THRB: variants seen among roughly 807,000 people sequenced by gnomAD.
The protein encoded by THRB is thyroid hormone receptor beta.
A neutral mutation model predicts 47.8 loss-of-function variants in THRB; 12 were observed. The ratio of observed to expected loss-of-function variants is 0.25; its 90% CI spans 0.16 to 0.41. THRB has a LOEUF of 0.41. Ranked by LOEUF, THRB falls within the 10% of genes least tolerant of loss-of-function variation. THRB has a pLI of 1.00. For missense variants in THRB, 348 were observed against 589.2 expected, an observed-to-expected ratio of 0.59 and a Z score of 4.24; for synonymous variants, 218 against 212.2, an observed-to-expected ratio of 1.03 and a Z score of -0.24.
chr3:24,240,500 A>C (rs772203332), intron 3 of THRB, among the ~76,000 whole-genome samples: 46 of 152,206 alleles, frequency 3.0e-4, no homozygotes, highest in Non-Finnish European at 5.3e-4. Context: ...TAGATACTGA[A>C]CACTTCACAT....
intron 1 of THRB, among the ~76,000 whole-genome samples, chr3:24,449,029 G>A (rs988560892): frequency 2.0e-5 from 3 of 152,222 alleles, no homozygotes; most frequent in African/African-American, 7.2e-5. Flanking sequence ...TGAGTTTGAA[G>A]GCAAAGGCAG....
intron 2 of THRB, among the ~76,000 whole-genome samples, chr3:24,299,172 C>T (rs4858601): frequency 0.26 from 38,135 of 146,984 alleles, 5,456 homozygotes; most frequent in Admixed American, 0.39. Flanking sequence ...GGCGTGAACC[C>T]GGGAGGCTGA....
At chr3:24,151,467 G>GTTTA (rs1346716023) in intron 6 of THRB, among the ~76,000 whole-genome samples, 2 of 152,148 alleles carry the variant, frequency 1.3e-5, no homozygotes, top group Non-Finnish European at 2.9e-5. Context: ...TTGCTTTAGG[G>GTTTA]TTTACATCTT....
At chr3:24,245,472 C>G (rs571453163) in intron 3 of THRB, among the ~76,000 whole-genome samples, 1 of 152,272 alleles carries the variant, frequency 6.6e-6, no homozygotes, top group African/African-American at 2.4e-5. Flanking sequence ...ATTTAATACT[C>G]TGTCAGAAGT....
At chr3:24,454,493 G>A (rs1022304466) in intron 1 of THRB, among the ~76,000 whole-genome samples, 2 of 152,192 alleles carry the variant, frequency 1.3e-5, no homozygotes, top group African/African-American at 2.4e-5. Context: ...TGCACTTTAA[G>A]TGGGTAAATT....
intron 1 of THRB, among the ~76,000 whole-genome samples, chr3:24,338,690 A>G (rs1254879922): frequency 1.3e-5 from 2 of 152,248 alleles, no homozygotes; most frequent in Non-Finnish European, 2.9e-5. Flanking sequence ...CTTCTGAAGA[A>G]GCTGCCCTGT....
intron 4 of THRB, among the ~76,000 whole-genome samples, chr3:24,201,594 G>A (rs184382456): frequency 2.9e-4 from 44 of 152,308 alleles, no homozygotes; most frequent in African/African-American, 9.1e-4. Flanking sequence ...GGTTACCCAA[G>A]TGAAATGTTG....
intron 3 of THRB, among the ~76,000 whole-genome samples, chr3:24,291,972 T>A (rs1401501889): frequency 6.6e-6 from 1 of 152,178 alleles, no homozygotes; most frequent in Non-Finnish European, 1.5e-5. Flanking sequence ...ATAACTTAAA[T>A]GTCCATTAAC....
intron 10 of THRB, among the ~76,000 whole-genome samples, chr3:24,124,358 C>T (rs1446273268): frequency 6.6e-6 from 1 of 152,176 alleles, no homozygotes; most frequent in African/African-American, 2.4e-5. Context: ...CTCTCCCTTT[C>T]CCCTATCTTC....
chr3:24,188,886 A>ATATATATATATATATATATATAT (rs1559548533), intron 5 of THRB, among the ~76,000 whole-genome samples: 12 of 68,282 alleles, frequency 1.8e-4, no homozygotes, highest in African/African-American at 1.2e-3. Flanking sequence ...TATATATATG[A>ATATATATATATATATATATATAT]GAGAAAGAGA....
intron 1 of THRB, among the ~76,000 whole-genome samples, chr3:24,443,776 A>G (rs1351901215): frequency 6.6e-6 from 1 of 152,220 alleles, no homozygotes; most frequent in East Asian, 1.9e-4. Flanking sequence ...AATAATTCTT[A>G]CTGGATACTC....
upstream of THRB, chr3:24,495,315 A>ACCGCCATCGCCGCCGCCGCCGCCACC (rs75376248): frequency 6.5e-6 from 1 of 153,592 alleles, no homozygotes; most frequent in African/African-American, 2.4e-5. Context: ...CGCCGCCGCC[A>ACCGCCATCGCCGCCGCCGCCGCCACC]GCCATCGCCA....
intron 2 of THRB, among the ~76,000 whole-genome samples, chr3:24,305,405 A>G (rs748042181): frequency 4.6e-5 from 7 of 152,154 alleles, no homozygotes; most frequent in Non-Finnish European, 8.8e-5. Context: ...ATGTAGCACC[A>G]ACACCCTAGG....
At chr3:24,133,562 C>A (rs1047230470) in intron 8 of THRB, 100 bp from the exon 9 acceptor site, 17 of 1,077,654 alleles carry the variant, frequency 1.6e-5, no homozygotes, top group Non-Finnish European at 2.3e-5. Context: ...AACTGATATC[C>A]TGTACAGTTT....
intron 3 of THRB, among the ~76,000 whole-genome samples, chr3:24,290,001 A>C (rs549911094): frequency 1.3e-5 from 2 of 152,174 alleles, no homozygotes; most frequent in Non-Finnish European, 2.9e-5. Flanking sequence ...CTGATTTTTA[A>C]CTGTGGCAGA....
At chr3:24,261,442 T>C (rs914742604) in intron 3 of THRB, among the ~76,000 whole-genome samples, 1 of 138,462 alleles carries the variant, frequency 7.2e-6, no homozygotes, top group African/African-American at 2.7e-5. Context: ...GAGGTTGCAG[T>C]GAGCGGAGAT....
At chr3:24,337,929 T>C (rs1226112768) in intron 1 of THRB, among the ~76,000 whole-genome samples, 1 of 152,164 alleles carries the variant, frequency 6.6e-6, no homozygotes, top group Admixed American at 6.5e-5. Flanking sequence ...AATCATATGG[T>C]GAACACTTCT....
At chr3:24,250,884 T>C (rs2050596462) in intron 3 of THRB, among the ~76,000 whole-genome samples, 1 of 152,076 alleles carries the variant, frequency 6.6e-6, no homozygotes, top group African/African-American at 2.4e-5. Flanking sequence ...TACCCATATC[T>C]GAAAAACAGA....
intron 3 of THRB, among the ~76,000 whole-genome samples, chr3:24,245,265 G>A (rs201446426): frequency 1.3e-5 from 2 of 151,896 alleles, no homozygotes; most frequent in Non-Finnish European, 1.5e-5. Flanking sequence ...CTGGCAAGGG[G>A]AAGAGTTAGA....
Sources: allele counts gnomAD v4.1 joint callset (sites outside exome capture counted in the v4.1 genomes callset), GRCh38; gene constraint gnomAD v4.1.1; transcripts MANE v1.5; gene names NCBI Gene and HGNC (gene_info 2026-07-23, HGNC 2026-07-21).